The following CYP4F2 variants were observed in gnomAD, a reference collection of about 807,000 sequenced individuals.
CYP4F2 encodes the protein cytochrome P450 family 4 subfamily F member 2.
CYP4F2 carries 58 observed loss-of-function variants against 58.9 expected under a neutral mutation model. The ratio of observed to expected loss-of-function variants is 0.98; its 90% CI spans 0.80 to 1.23. The LOEUF is 1.23. Among genes scored for constraint, CYP4F2 ranks in the 50% most tolerant of loss-of-function variants. CYP4F2 has a pLI of 0.00. For missense variants in CYP4F2, 616 were observed against 685.6 expected (o/e 0.90, Z 1.13); for synonymous variants, 287 against 261.1 (o/e 1.10, Z -0.95).
chr19:15,879,870 C>T lies in CYP4F2; in HGVS notation c.1143G>A (p.Leu381=). The change falls in exon 10 of 13, where the codon CTG becomes CTA. Residue 381 remains leucine (L), a synonymous_variant. Transcript: ENST00000221700. ...GCAGGCTCTCCTTCATGCACATGGT[C>T]AGGAAGGGCAAATGGGCCAGGTCGT... ...EWDDLAHLPF[L]TMCMKESLRL... is the part of the protein sequence containing the mutation. The T allele has an allele frequency of 6.2e-7, 1 of 1,614,204 alleles. No individual in the cohort carries two copies. The highest frequency in any genetic ancestry group is 8.5e-7 in the Non-Finnish European group (1 of 1,180,042).
intron 2 of CYP4F2, 109 bp from the exon 3 acceptor site, chr19:15,895,759 G>T: frequency 1.5e-6 from 2 of 1,369,834 alleles, no homozygotes; most frequent in Non-Finnish European, 1.9e-6. Context: ...TTCTGGGTGT[G>T]TCTAATCTAT....
Position 15,886,057 on chromosome 19 carries a change from G to T in CYP4F2, c.986-4C>A, listed in dbSNP as rs1178595273. ...CCACTGGCCGTGGTGTCATGGCCTG[G>T]GGGGCAGCAAGGCAGGCTTGGGTCT... On this transcript the variant is annotated splice_region_variant and splice_polypyrimidine_tract_variant and intron_variant, in intron 8 of 12. Transcript: ENST00000221700. 1.2e-6 allele frequency: 2 copies of T among 1,612,916 alleles called. No individual in the cohort carries two copies. Among genetic ancestry groups the T allele is most frequent in the African/African-American group, 2.7e-5 (2 of 74,884 alleles).
Position 15,890,210 on chromosome 19 carries a change from C to T in CYP4F2, c.647+102G>A. 2.5e-6 allele frequency: 4 copies of T among 1,581,180 alleles called. 1 individual carries two copies. The East Asian group carries it at 9.1e-5, about 36-fold the overall frequency. Reference sequence around the variant, plus strand: ...TTCAATGATCAGGTATAACAAAACTCCTCCAGGAAGGTTTGTCTGGTTTCC... The same window carrying T: ...TTCAATGATCAGGTATAACAAAACTTCTCCAGGAAGGTTTGTCTGGTTTCC... On this transcript the variant is annotated intron_variant, in intron 6 of 12. Coordinates refer to ENST00000221700, the MANE Select transcript of CYP4F2 (RefSeq NM_001082.5).
chr19:15,878,926 C>T lies in CYP4F2; in HGVS notation c.1408G>A (p.Gly470Arg), dbSNP rs146148233. The change falls in exon 13 of 13, where the codon GGG becomes AGG. Residue 470 changes from glycine (G) to arginine (R), a missense_variant. Coordinates refer to ENST00000221700, the MANE Select transcript of CYP4F2 (RefSeq NM_001082.5). ...ATCTCCGCCATCGCGAACGTCTGCC[C>T]GATGCAGTTCCTAGGGGAGGGAGGT... ...PFSAGPRNCI[G>R]QTFAMAEMKV... 45 of 1,613,352 alleles carry T rather than the reference C, an allele frequency of 2.8e-5. 1 individual carries two copies. In the South Asian group the frequency reaches 4.7e-4, roughly 17 times the overall value.
Position 15,897,501 on chromosome 19 carries a change from C to T in CYP4F2, c.111G>A (p.Trp37Ter), listed in dbSNP as rs752022409. The change falls in exon 2 of 13, where the codon TGG (tryptophan) becomes TGA (stop). Residue 37 changes from tryptophan to a stop codon, truncating the protein, a stop_gained. Transcript: ENST00000221700. LOFTEE classifies it high-confidence loss of function. ...ASWLLAHVLA[W>*]TYAFYDNCRR... Reference sequence around the variant, plus strand: ...GGCAGTTGTCATAGAAGGCGTAGGTCCAGGCCAGGACATGGGCCAGGAGCC... The same window carrying T: ...GGCAGTTGTCATAGAAGGCGTAGGTTCAGGCCAGGACATGGGCCAGGAGCC... 9.9e-6 allele frequency: 16 copies of T among 1,613,978 alleles called. No individual in the cohort carries two copies. The East Asian group carries it at 3.1e-4, about 31-fold the overall frequency.
chr19:15,881,565 G>GGATA (rs59240008), intron 9 of CYP4F2, among the ~76,000 whole-genome samples: 31,395 of 149,622 alleles, frequency 0.21, 3,560 homozygotes, highest in East Asian at 0.32. Flanking sequence ...GATAGATGAT[G>GGATA]GATAGATAGA....
In CYP4F2 at chr19:15,889,665, A is replaced by T; in HGVS notation, c.676T>A (p.Leu226Met). The change falls in exon 7 of 13, where the codon TTG becomes ATG. Residue 226 changes from leucine to methionine, a missense_variant. Transcript: ENST00000221700. ...EKPSEYIAAI[L>M]ELSALVSKRH... The stretch of plus-strand genomic sequence containing the variant: ...TTTGATACAAGGGCACTGAGCTCCA[A>T]GATGGCGGCAATATATTCACTGGGT... 6.2e-7 allele frequency: 1 copy of T among 1,614,088 alleles called. No individual in the cohort carries two copies. The highest frequency in any genetic ancestry group is 8.5e-7 in the Non-Finnish European group (1 of 1,179,944).
In CYP4F2 at chr19:15,890,496, C is replaced by T. The variant is rs1599354483; in HGVS notation, c.526-63G>A. On this transcript the variant is annotated intron_variant, in intron 5 of 12. Coordinates refer to ENST00000221700, the MANE Select transcript of CYP4F2 (RefSeq NM_001082.5). The stretch of plus-strand genomic sequence containing the variant: ...TGCTCCCTTGAGCACCTCTCCAACC[C>T]CAACTGCCAAGATGGGCTCCCCAGA... 3 of 1,594,862 alleles carry T rather than the reference C, an allele frequency of 1.9e-6. No homozygotes were observed. The East Asian group carries it at 6.8e-5, about 36-fold the overall frequency.
intron 9 of CYP4F2, among the ~76,000 whole-genome samples, chr19:15,883,733 AATCAACCTAAGTGCCC>A (rs547653688): frequency 9.4e-4 from 143 of 152,354 alleles, no homozygotes; most frequent in Admixed American, 3.8e-3. Flanking sequence ...CAAAATATGG[AATCAACCTAAGTGCCC>A]ATCAACTGAA....
intron 9 of CYP4F2, among the ~76,000 whole-genome samples, chr19:15,880,356 T>C (rs2089336241): frequency 6.6e-6 from 1 of 151,294 alleles, no homozygotes; most frequent in Non-Finnish European, 1.5e-5. Flanking sequence ...TGGCTGGGCG[T>C]GGTGGCTCAT....
intron 12 of CYP4F2, 146 bp from the exon 13 acceptor site, chr19:15,879,082 G>A (rs1335196177): frequency 5.2e-6 from 7 of 1,351,186 alleles, no homozygotes; most frequent in South Asian, 1.5e-5. Context: ...ATCCCCATGC[G>A]GGCTTGCATA....
chr19:15,897,996 C>A, intron 1 of CYP4F2, 30 bp downstream of exon 1: 3 of 235,198 alleles, frequency 1.3e-5, no homozygotes, highest in Non-Finnish European at 2.5e-5. Flanking sequence ...GCCAGGACCC[C>A]CCCCAGGCCT....
At chr19:15,886,340 C>T (rs1328565077) in intron 7 of CYP4F2, 32 bp from the exon 8 acceptor site, 2 of 1,610,864 alleles carry the variant, frequency 1.2e-6, no homozygotes, top group South Asian at 1.1e-5. Flanking sequence ...CCCCCAACCC[C>T]CACCCCCATA....
rs2089322848 is a variant in CYP4F2, at chr19:15,878,857, G to A, written c.1477C>T (p.Pro493Ser). The A allele has an allele frequency of 6.2e-7, 1 of 1,613,954 alleles. No homozygotes were observed. The highest frequency in any genetic ancestry group is 8.5e-7 in the Non-Finnish European group (1 of 1,180,014). The change falls in exon 13 of 13, where the codon CCT (proline) becomes TCT (serine). Residue 493 changes from proline (P) to serine (S), a missense_variant. Pro to Ser is a moderately conservative substitution (Grantham distance 74). Coordinates refer to ENST00000221700, the MANE Select transcript of CYP4F2 (RefSeq NM_001082.5). ...ALTLLRFRVLPDHTEPRRKPE... is the reference protein window; with the variant it reads ...ALTLLRFRVLSDHTEPRRKPE... ...TTCCTGCGGGGCTCGGTGTGGTCAG[G>A]CAGGACGCGGAAGCGCAGCAGCGTG...
chr19:15,887,372 G>A (rs4808401), intron 7 of CYP4F2, among the ~76,000 whole-genome samples: 116,327 of 147,258 alleles, frequency 0.79, 45,387 homozygotes, highest in East Asian at 0.99. Context: ...ACAGACATAC[G>A]CACACATACA....
intron 7 of CYP4F2, 105 bp from the exon 8 acceptor site, chr19:15,886,413 C>T (rs2089380785): frequency 6.8e-7 from 1 of 1,462,492 alleles, no homozygotes; most frequent in South Asian, 1.2e-5. Context: ...AAGATTCATC[C>T]TTTTTCCAGA....
rs2089442562 is a variant in CYP4F2 at position 15,895,538 on chromosome 19, G to A, written c.311C>T (p.Pro104Leu). 1.9e-6 allele frequency: 3 copies of A among 1,545,618 alleles called. No homozygotes were observed. Among genetic ancestry groups the A allele is most frequent in the Non-Finnish European group, 2.6e-6 (3 of 1,155,850 alleles). ...GTTGATGACAGACCGGATGATGTCG[G>A]GGTGGCACAAACTGAGGAGGGGGGA... The part of the protein sequence containing the change: ...PISPLLSLCH[P>L]DIIRSVINAS... The change falls in exon 3 of 13, where the codon CCC (proline) becomes CTC (leucine). Residue 104 changes from proline to leucine, a missense_variant. By Grantham distance (98) the Pro-to-Leu change is moderately conservative. Transcript: ENST00000221700.
At chr19:15,891,817 G>C (rs1280023630) in intron 5 of CYP4F2, among the ~76,000 whole-genome samples, 12 of 152,076 alleles carry the variant, frequency 7.9e-5, no homozygotes, top group Admixed American at 7.9e-4. Flanking sequence ...ACATGTCCCA[G>C]CCAAAACCCA....
At chr19:15,893,945 G>A (rs1437262295) in intron 3 of CYP4F2, 3 of 238,322 alleles carry the variant, frequency 1.3e-5, no homozygotes, top group African/African-American at 6.9e-5. Context: ...AGGATCTGCA[G>A]GGAAGAGGTC....
Sources: allele counts gnomAD v4.1 joint callset (sites outside exome capture counted in the v4.1 genomes callset), GRCh38; gene constraint gnomAD v4.1.1; transcripts MANE v1.5; gene names NCBI Gene and HGNC (gene_info 2026-07-23, HGNC 2026-07-21).